ATP8B4: variants seen among roughly 807,000 people sequenced by gnomAD.
The protein encoded by ATP8B4 is ATPase phospholipid transporting 8B4 (putative).
A neutral mutation model predicts 145.6 loss-of-function variants in ATP8B4; 133 were observed. The ratio of observed to expected loss-of-function variants is 0.91; its 90% CI spans 0.79 to 1.05. The LOEUF is 1.05. Ranked by LOEUF, ATP8B4 falls within the 50% of genes least tolerant of loss-of-function variation. The pLI is 0.00. For missense variants in ATP8B4, 1,458 were observed against 1,425.2 expected (o/e 1.02, Z -0.37); for synonymous variants, 507 against 492.9 (o/e 1.03, Z -0.38).
intron 5 of ATP8B4, 24 bp from the exon 6 acceptor site, chr15:50,038,853 G>A (rs773704743): frequency 6.3e-7 from 1 of 1,599,002 alleles, no homozygotes; most frequent in Admixed American, 1.7e-5. Flanking sequence ...GTGTTTGTGA[G>A]AAAACACATT....
intron 1 of ATP8B4, among the ~76,000 whole-genome samples, chr15:50,128,382 A>G (rs1162651480): frequency 1.3e-5 from 2 of 152,232 alleles, no homozygotes; most frequent in Non-Finnish European, 2.9e-5. Flanking sequence ...TGGGAGCAGT[A>G]TGGAACACTG....
chr15:49,978,820 G>T (rs1434562269), intron 12 of ATP8B4, among the ~76,000 whole-genome samples: 2 of 149,840 alleles, frequency 1.3e-5, no homozygotes, highest in Admixed American at 6.6e-5. Context: ...AGAGGGGTGT[G>T]TGTGTGTGTG....
At chr15:49,982,875 A>C (rs2046281568) in intron 10 of ATP8B4, among the ~76,000 whole-genome samples, 1 of 152,082 alleles carries the variant, frequency 6.6e-6, no homozygotes, top group Non-Finnish European at 1.5e-5. Flanking sequence ...ATCCTCCATA[A>C]CTTCTTGACT....
chr15:49,912,605 C>T (rs1229020412), intron 20 of ATP8B4, among the ~76,000 whole-genome samples: 1 of 152,068 alleles, frequency 6.6e-6, no homozygotes, highest in Admixed American at 6.5e-5. Context: ...AGAAGAATTA[C>T]TATAAATTAT....
At chr15:49,865,322 A>G (rs2032594906) in intron 26 of ATP8B4, among the ~76,000 whole-genome samples, 1 of 152,232 alleles carries the variant, frequency 6.6e-6, no homozygotes, top group Non-Finnish European at 1.5e-5. Flanking sequence ...CCCTTCCTCC[A>G]CACATTGCTC....
Position 50,038,792 on chromosome 15 carries a change from T to C in ATP8B4, c.338A>G (p.Gln113Arg), listed in dbSNP as rs774822064. 4 of 1,613,738 alleles carry C rather than the reference T, an allele frequency of 2.5e-6. No individual in the cohort carries two copies. The highest frequency in any genetic ancestry group is 3.4e-6 in the Non-Finnish European group (4 of 1,179,670). ...HKSDNQVNNR[Q>R]SEVLINSKLQ... ...CTTGCTGTTGATGAGCACTTCAGAC[T>C]GCCGATTATTCACTTGATTATCACT... The change falls in exon 6 of 28, where the codon CAG (glutamine) becomes CGG (arginine). Residue 113 changes from glutamine (Q) to arginine (R), a missense_variant. Coordinates refer to ENST00000284509, the MANE Select transcript of ATP8B4 (RefSeq NM_024837.4).
At chr15:50,123,173 A>G (rs1174708525), upstream of ATP8B4, among the ~76,000 whole-genome samples, 1 of 152,180 alleles carries the variant, frequency 6.6e-6, no homozygotes, top group Non-Finnish European at 1.5e-5. Flanking sequence ...AAAAATTATA[A>G]CAGTGAGAAG....
chr15:49,993,999 A>G (rs187774959), intron 9 of ATP8B4, among the ~76,000 whole-genome samples: 1 of 152,274 alleles, frequency 6.6e-6, no homozygotes, highest in Admixed American at 6.5e-5. Context: ...AACACACCTT[A>G]AAAGTAAATT....
At chr15:49,894,335 T>C (rs2037151374) in intron 23 of ATP8B4, among the ~76,000 whole-genome samples, 1 of 152,164 alleles carries the variant, frequency 6.6e-6, no homozygotes, top group African/African-American at 2.4e-5. Context: ...CTTTCCAGTA[T>C]AAGCTTTGGT....
chr15:49,901,672 AT>A, intron 20 of ATP8B4: 1 of 304,276 alleles, frequency 3.3e-6, no homozygotes. Flanking sequence ...ACATCTATAT[AT>A]AAAATAAATT....
intron 1 of ATP8B4, among the ~76,000 whole-genome samples, chr15:50,178,623 G>A (rs1414219860): frequency 4.6e-5 from 7 of 152,174 alleles, no homozygotes; most frequent in African/African-American, 1.7e-4. Flanking sequence ...TCAGTCTCCC[G>A]AGTAGCTGGA....
At chr15:50,104,887 A>ACACACACACACC (rs753542910) in intron 2 of ATP8B4, among the ~76,000 whole-genome samples, 31 of 151,508 alleles carry the variant, frequency 2.0e-4, no homozygotes, top group Admixed American at 3.3e-4. Context: ...ACACACACAC[A>ACACACACACACC]CCCATATATA....
chr15:50,066,278 C>T (rs1224695933), intron 3 of ATP8B4, among the ~76,000 whole-genome samples: 1 of 152,080 alleles, frequency 6.6e-6, no homozygotes, highest in Non-Finnish European at 1.5e-5. Context: ...TAACAGCACA[C>T]AAAACAGAAG....
In ATP8B4 at chr15:49,962,009, C is replaced by T. The variant is rs776055944; in HGVS notation, c.1255G>A (p.Asp419Asn). 3 of 1,593,342 alleles carry T rather than the reference C, an allele frequency of 1.9e-6. No individual in the cohort carries two copies. Among genetic ancestry groups the T allele is most frequent in the South Asian group, 2.3e-5 (2 of 87,010 alleles). Residue 419 changes from aspartate (D) to asparagine (N), a missense_variant, in exon 14 of 28, where the codon GAT (aspartate) becomes AAT (asparagine). Physicochemically the swap from Asp to Asn is conservative, Grantham distance 23 (BLOSUM62 1). Transcript: ENST00000284509. Reference sequence around the variant, plus strand: ...ATTTCTGTCTTCTGATCCAGGTCATCATGTACTTCACCTGACAAAACAAAA... The same window carrying T: ...ATTTCTGTCTTCTGATCCAGGTCATTATGTACTTCACCTGACAAAACAAAA... ...INGRIYGEVHDDLDQKTEITQ... is the reference protein window; with the variant it reads ...INGRIYGEVHNDLDQKTEITQ...
intron 14 of ATP8B4, among the ~76,000 whole-genome samples, chr15:49,961,111 C>T (rs1025662707): frequency 4.1e-5 from 6 of 147,878 alleles, no homozygotes; most frequent in South Asian, 2.1e-4. Flanking sequence ...CCAGCCTGGG[C>T]GAAAGAGCAA....
chr15:49,933,048 A>G (rs1157116501), intron 15 of ATP8B4, among the ~76,000 whole-genome samples: 1 of 152,104 alleles, frequency 6.6e-6, no homozygotes, highest in African/African-American at 2.4e-5. Context: ...ACATTAGAAC[A>G]TTGAAGCAAA....
intron 1 of ATP8B4, among the ~76,000 whole-genome samples, chr15:50,125,941 C>A (rs1015984067): frequency 6.6e-6 from 1 of 152,148 alleles, no homozygotes; most frequent in African/African-American, 2.4e-5. Flanking sequence ...CCCAAATAAA[C>A]CCTCTAGTTA....
intron 2 of ATP8B4, 152 bp downstream of exon 2, chr15:50,106,787 T>G: frequency 1.6e-6 from 1 of 637,408 alleles, no homozygotes; most frequent in African/African-American, 1.9e-5. Flanking sequence ...ATACACCCTT[T>G]GTAGTTACAT....
chr15:49,866,597 G>T, intron 25 of ATP8B4, 113 bp from the exon 26 acceptor site: 1 of 1,328,152 alleles, frequency 7.5e-7, no homozygotes, highest in Non-Finnish European at 1.0e-6. Flanking sequence ...CACCTGCCTA[G>T]TTGCCAAGCC....
Sources: gnomAD v4.1 joint callset for allele counts (sites outside exome capture counted in the v4.1 genomes callset) on GRCh38, gnomAD v4.1.1 for gene constraint, MANE v1.5 for transcripts, NCBI Gene and HGNC (gene_info 2026-07-23, HGNC 2026-07-21) for gene names.